TANC2: variants seen among roughly 807,000 people sequenced by gnomAD.
TANC2 encodes protein TANC2.
In TANC2, 26 loss-of-function variants were observed where a neutral mutation model predicts 210.5. The ratio of observed to expected loss-of-function variants is 0.12; its 90% CI spans 0.09 to 0.17. The LOEUF is 0.17. TANC2 is among the 10% of genes least tolerant of loss of function. TANC2 has a pLI of 1.00. For synonymous variants in TANC2, 931 were observed against 967.1 expected (o/e 0.96, Z 0.69); for missense variants, 2,129 against 2,608.9 (o/e 0.82, Z 4.01).
chr17:63,218,755 G>T (rs1262116092), intron 7 of TANC2, among the ~76,000 whole-genome samples: 1 of 152,078 alleles, frequency 6.6e-6, no homozygotes. Flanking sequence ...AATTAGCTGG[G>T]TATGGTGGTA....
intron 13 of TANC2, 146 bp from the exon 14 acceptor site, chr17:63,354,637 T>G: frequency 4.9e-6 from 5 of 1,014,712 alleles, no homozygotes; most frequent in Non-Finnish European, 6.9e-6. Flanking sequence ...CTAATTTGTT[T>G]TACTTTTTGG....
At chr17:63,411,660 G>T in exon 22 of TANC2, 2 of 1,613,452 alleles carry the variant, frequency 1.2e-6, no homozygotes, top group Non-Finnish European at 1.7e-6. Flanking sequence ...ACTGGATCTG[G>T]CAGCTTTCTA....
At chr17:63,305,087 G>A (rs958653835) in intron 9 of TANC2, among the ~76,000 whole-genome samples, 4 of 152,182 alleles carry the variant, frequency 2.6e-5, no homozygotes, top group Non-Finnish European at 2.9e-5. Flanking sequence ...AGCTGCAGCC[G>A]TGGTGCTGGT....
At chr17:63,310,906 C>T (rs1036997075) in intron 9 of TANC2, among the ~76,000 whole-genome samples, 3 of 152,132 alleles carry the variant, frequency 2.0e-5, no homozygotes, top group Non-Finnish European at 4.4e-5. Flanking sequence ...CCAGAAATTT[C>T]ACTTCTAGCA....
At chr17:63,162,657 G>T (rs183647575) in intron 5 of TANC2, among the ~76,000 whole-genome samples, 232 of 152,256 alleles carry the variant, frequency 1.5e-3, no homozygotes, top group African/African-American at 5.4e-3. Context: ...GTTATCTTAT[G>T]GGAACAGATG....
intron 5 of TANC2, among the ~76,000 whole-genome samples, chr17:63,184,568 A>G (rs779613851): frequency 2.1e-5 from 3 of 145,692 alleles, no homozygotes; most frequent in Non-Finnish European, 4.7e-5. Flanking sequence ...CCCCTTACAA[A>G]CATACCCACT....
chr17:63,089,792 A>G (rs528067615), intron 3 of TANC2, among the ~76,000 whole-genome samples: 5 of 152,270 alleles, frequency 3.3e-5, no homozygotes, highest in East Asian at 1.9e-4. Flanking sequence ...TATGTTTAAC[A>G]TGCCTACAGT....
intron 1 of TANC2, among the ~76,000 whole-genome samples, chr17:62,988,161 T>C (rs1395168175): frequency 6.6e-6 from 1 of 152,172 alleles, no homozygotes; most frequent in Non-Finnish European, 1.5e-5. Flanking sequence ...ATAGTCTTGC[T>C]CTGTCACCCA....
intron 2 of TANC2, among the ~76,000 whole-genome samples, chr17:63,024,955 C>T (rs925669964): frequency 2.6e-5 from 4 of 152,068 alleles, no homozygotes; most frequent in African/African-American, 9.7e-5. Flanking sequence ...CAACAAGTAG[C>T]CAAAAATTTG....
chr17:63,370,606 A>G (rs1453589542), intron 14 of TANC2, among the ~76,000 whole-genome samples: 1 of 152,240 alleles, frequency 6.6e-6, no homozygotes, highest in Admixed American at 6.5e-5. Context: ...CCCAAAACCT[A>G]AGTGATTTAT....
At chr17:63,361,794 T>A (rs2046965427) in intron 14 of TANC2, among the ~76,000 whole-genome samples, 2 of 152,204 alleles carry the variant, frequency 1.3e-5, no homozygotes, top group African/African-American at 2.4e-5. Flanking sequence ...CATGGACAAC[T>A]GGAGAGTGAG....
Position 63,421,646 on chromosome 17 carries a change from T to C in TANC2, c.5916T>C (p.Pro1972=). The change falls in exon 28 of 28, where the codon CCT becomes CCC. Residue 1972 remains proline, a synonymous_variant. Coordinates refer to ENST00000689528, the Ensembl canonical transcript of TANC2. This position sits in a 1 kb window ranked among gnomAD's most constrained non-coding sequence, Gnocchi z 6.9. ...CGTCTCCAGGCAACCTGCCTCAGCC[T>C]GAGTCCTTCAGTCCACCATCATCCA... The C allele has an allele frequency of 1.2e-6, 2 of 1,614,090 alleles. No individual in the cohort carries two copies. Among genetic ancestry groups the C allele is most frequent in the South Asian group, 2.2e-5 (2 of 91,090 alleles).
intron 12 of TANC2, among the ~76,000 whole-genome samples, chr17:63,342,705 G>A (rs1335419687): frequency 2.0e-5 from 3 of 152,168 alleles, no homozygotes; most frequent in African/African-American, 7.2e-5. Flanking sequence ...GAACCCGGGA[G>A]GCGGAGCTTG....
intron 9 of TANC2, among the ~76,000 whole-genome samples, chr17:63,307,883 A>C (rs535919677): frequency 6.6e-6 from 1 of 152,254 alleles, no homozygotes; most frequent in East Asian, 1.9e-4. Context: ...CTCCTGCCTC[A>C]GCCTCCCGAA....
At chr17:63,280,027 C>G (rs912343490) in intron 9 of TANC2, among the ~76,000 whole-genome samples, 2 of 152,036 alleles carry the variant, frequency 1.3e-5, no homozygotes, top group African/African-American at 4.8e-5. Context: ...AGTTCATAGT[C>G]AGTATCACTC....
chr17:63,151,856 T>C (rs1328191396), intron 5 of TANC2: 1 of 152,178 alleles, frequency 6.6e-6, no homozygotes, highest in Non-Finnish European at 1.5e-5. Flanking sequence ...AACATTAAAC[T>C]TGAATTAGAA....
chr17:63,321,342 T>A (rs1016758607), intron 11 of TANC2, among the ~76,000 whole-genome samples: 2 of 152,222 alleles, frequency 1.3e-5, no homozygotes, highest in African/African-American at 2.4e-5. Flanking sequence ...TTACAAAAAA[T>A]TTATTTTTGC....
Position 63,267,326 on chromosome 17 carries a change from C to T in TANC2, c.1034-422C>T, listed in dbSNP as rs202100459. On this transcript the variant is annotated intron_variant, in intron 8 of 27. Transcript: ENST00000689528. ...CTGCAGCTTTCATGATCCAGACATT[C>T]AGAGGCAAGATGGCATTTTAAGCTT... is the stretch of plus-strand genomic sequence containing the variant. Among the ~76,000 whole-genome samples the T allele has an allele frequency of 4.5e-4, 68 of 152,266 alleles. 2 individuals are homozygous for T. The East Asian group carries it at 0.011, about 24-fold the overall frequency.
At chr17:63,401,429 A>T (rs1264190761) in intron 19 of TANC2, among the ~76,000 whole-genome samples, 1 of 152,228 alleles carries the variant, frequency 6.6e-6, no homozygotes, top group African/African-American at 2.4e-5. Context: ...TGCCAACTAT[A>T]CTGACACAAT....
Sources: allele counts gnomAD v4.1 joint callset (sites outside exome capture counted in the v4.1 genomes callset), GRCh38; gene constraint gnomAD v4.1.1; non-coding constraint Gnocchi (gnomAD v3.1); transcripts MANE v1.5; gene names NCBI Gene and HGNC (gene_info 2026-07-23, HGNC 2026-07-21).